Variants in PMEL observed in about 807,000 individuals in gnomAD.
PMEL encodes the protein melanocyte protein PMEL.
Under a neutral mutation model 64.9 loss-of-function variants are expected in PMEL, and 53 were observed. The observed-to-expected ratio is 0.82, with a 90% CI of 0.66 to 1.03. The LOEUF (loss-of-function observed/expected upper bound fraction) is 1.03. Among genes scored for constraint, PMEL ranks in the 50% least tolerant of loss-of-function variants. The probability of loss-of-function intolerance (pLI) is 0.00; values close to 1 mark genes in which losing one functional copy is unlikely to be tolerated. For synonymous variants in PMEL, 299 were observed against 316.2 expected (o/e 0.95, Z 0.58); for missense variants, 716 against 814.9 (o/e 0.88, Z 1.48).
chr12:55,954,895 A>G (rs1888793642), intron 10 of PMEL, among the ~76,000 whole-genome samples: 1 of 150,380 alleles, frequency 6.6e-6, no homozygotes, highest in Non-Finnish European at 1.5e-5. Flanking sequence ...AAAGGGTGAA[A>G]CTCCGTCTCA....
intron 6 of PMEL, 46 bp from the exon 7 acceptor site, chr12:55,956,265 C>T (rs760147835): frequency 1.6e-6 from 2 of 1,234,030 alleles, no homozygotes; most frequent in Admixed American, 1.8e-5. Flanking sequence ...ACAGATGACT[C>T]ATCTGGAGGC....
chr12:55,956,840 A>T, intron 6 of PMEL, 109 bp downstream of exon 6: 1 of 1,179,134 alleles, frequency 8.5e-7, no homozygotes, highest in Non-Finnish European at 1.2e-6. Flanking sequence ...CTCTGAGGGG[A>T]CCATAGTGCT....
rs61752491 is a variant in PMEL, at chr12:55,957,216, G to A, written c.1087C>T (p.Pro363Ser). The change falls in exon 6 of 11, where the codon CCT (proline) becomes TCT (serine). Residue 363 changes from proline (P) to serine (S), a missense_variant. Physicochemically the swap from Pro to Ser is moderately conservative, Grantham distance 74. Coordinates refer to ENST00000548747, the MANE Select transcript of PMEL (RefSeq NM_001384361.1). Reference protein sequence around the residue: ...VPTTEVISTAPVQMPTAESTG... With the variant: ...VPTTEVISTASVQMPTAESTG... ...CTCTCTGCAGTTGGCATCTGCACAG[G>A]TGCAGTGCTTATGACTTCAGTGGTT... 5,806 of 1,614,158 alleles carry A rather than the reference G, an allele frequency of 3.6e-3. 222 individuals carry two copies. The African/African-American group carries it at 0.069, about 19-fold the overall frequency.
At chr12:55,962,300 G>A (rs1191156888) in intron 1 of PMEL, among the ~76,000 whole-genome samples, 13 of 149,906 alleles carry the variant, frequency 8.7e-5, no homozygotes, top group African/African-American at 2.4e-4. Flanking sequence ...AAAATTAGCC[G>A]GGCATGGTGG....
At chr12:55,965,704 T>C (rs1889272677) in intron 1 of PMEL, among the ~76,000 whole-genome samples, 1 of 152,134 alleles carries the variant, frequency 6.6e-6, no homozygotes, top group African/African-American at 2.4e-5. Flanking sequence ...TCAGAATCAG[T>C]GCCACAGAGA....
intron 1 of PMEL, among the ~76,000 whole-genome samples, chr12:55,962,653 A>T (rs971486448): frequency 6.1e-5 from 9 of 147,634 alleles, no homozygotes; most frequent in Non-Finnish European, 1.2e-4. Context: ...CCTCCCAAGT[A>T]GCTGGGACTA....
At chr12:55,958,240 G>T in intron 4 of PMEL, 156 bp from the exon 5 acceptor site, 1 of 824,540 alleles carries the variant, frequency 1.2e-6, no homozygotes, top group Non-Finnish European at 1.9e-6. Context: ...CAGGGAAGGG[G>T]TCCTAATGAG....
At chr12:55,961,566 C>T in intron 2 of PMEL, 56 bp downstream of exon 2, 1 of 1,592,566 alleles carries the variant, frequency 6.3e-7, no homozygotes, top group African/African-American at 1.3e-5. Context: ...GTTCAGCTTG[C>T]TTTTTTCCTC....
At chr12:55,966,643 A>T, upstream of PMEL, 9 of 1,052,480 alleles carry the variant, frequency 8.6e-6, no homozygotes, top group Non-Finnish European at 9.2e-6. Context: ...CCCACCGGGG[A>T]AGAAACTTGT....
At chr12:55,963,363 A>G (rs1310343418) in intron 1 of PMEL, among the ~76,000 whole-genome samples, 5 of 152,194 alleles carry the variant, frequency 3.3e-5, no homozygotes, top group Non-Finnish European at 7.3e-5. Flanking sequence ...TCCAACAACT[A>G]TCAACACCTT....
intron 1 of PMEL, among the ~76,000 whole-genome samples, chr12:55,963,979 CT>C (rs1889195732): frequency 6.6e-6 from 1 of 151,748 alleles, no homozygotes; most frequent in Admixed American, 6.6e-5. Flanking sequence ...CTTCCCTTTC[CT>C]TTCCCTTTCC....
chr12:55,958,330 A>G, intron 4 of PMEL, 143 bp downstream of exon 4: 1 of 916,024 alleles, frequency 1.1e-6, no homozygotes, highest in Non-Finnish European at 1.6e-6. Flanking sequence ...CTAGGTGCTA[A>G]GAAAGAGAAA....
rs757183256 is a variant in PMEL at position 55,958,458 on chromosome 12, A to G, written c.469+15T>C. 6.2e-7 allele frequency: 1 copy of G among 1,612,558 alleles called. No individual in the cohort carries two copies. The highest frequency in any genetic ancestry group is 8.5e-7 in the Non-Finnish European group (1 of 1,179,262). On this transcript the variant is annotated intron_variant, in intron 4 of 10. Transcript: ENST00000548747. Reference sequence around the variant, plus strand: ...ACACAAGTGTGGATGATAGGCTGAGAAGGGAGTCCCTCACCCCAGGTCTTC... The same window carrying G: ...ACACAAGTGTGGATGATAGGCTGAGGAGGGAGTCCCTCACCCCAGGTCTTC...
Position 55,957,001 on chromosome 12 carries a change from A to C in PMEL, c.1302T>G (p.Pro434=). ...AGCTGGCATCTGGACCTTCAGGCTC[A>C]GGGATAGGTAGCTCTCTAGCTGTGG... The part of the protein sequence containing the change: ...VETTARELPI[P]EPEGPDASSI... The change falls in exon 6 of 11, where the codon CCT becomes CCG. Residue 434 remains proline (P), a synonymous_variant. Coordinates refer to ENST00000548747, the MANE Select transcript of PMEL (RefSeq NM_001384361.1). The C allele has an allele frequency of 6.2e-7, 1 of 1,614,222 alleles. No individual in the cohort carries two copies. The highest frequency in any genetic ancestry group is 8.5e-7 in the Non-Finnish European group (1 of 1,180,012).
At chr12:55,960,543 T>G (rs1462257429) in intron 3 of PMEL, among the ~76,000 whole-genome samples, 3 of 136,914 alleles carry the variant, frequency 2.2e-5, no homozygotes, top group Non-Finnish European at 4.7e-5. Context: ...TTCTGTTTTT[T>G]TTTTTTTTTT....
In PMEL at chr12:55,961,063, G is replaced by A. The variant is rs377392453; in HGVS notation, c.334+254C>T. The A allele has an allele frequency of 3.0e-4, 109 of 368,624 alleles. No individual in the cohort carries two copies. In the East Asian group the frequency reaches 5.2e-3, roughly 18 times the overall value. 22.8% of individuals were successfully genotyped at this position (368,624 alleles called of 1,614,324 possible). ...CTAAAAATACAAAAAAAATTAGCCG[G>A]TCATGGTGGCAGGCGCCTGTAGTCC... is the stretch of plus-strand genomic sequence containing the variant. On this transcript the variant is annotated intron_variant, in intron 3 of 10. Transcript: ENST00000548747.
chr12:55,955,380 G>GCT lies in PMEL; in HGVS notation c.1763-20_1763-19insAG. 1 of 1,613,308 alleles carries GCT rather than the reference G, an allele frequency of 6.2e-7. No homozygotes were observed. Among genetic ancestry groups the GCT allele is most frequent in the Non-Finnish European group, 8.5e-7 (1 of 1,179,328 alleles). ...TCTTGACCTGTGAGAAGAATCCCAG[G>GCT]CACTGCTTCACTCAGTGTCTGCTGC... On this transcript the variant is annotated intron_variant, in intron 9 of 10. Coordinates refer to ENST00000548747, the MANE Select transcript of PMEL (RefSeq NM_001384361.1).
chr12:55,955,823 G>A lies in PMEL; in HGVS notation c.1512C>T (p.Ser504=), dbSNP rs377175522. The A allele has an allele frequency of 7.4e-5, 120 of 1,613,944 alleles. No individual in the cohort carries two copies. Among genetic ancestry groups the A allele is most frequent in the Non-Finnish European group, 8.9e-5 (105 of 1,179,952 alleles). The change falls in exon 8 of 11, where the codon TCC becomes TCT. Residue 504 remains serine, a synonymous_variant. Transcript: ENST00000548747. ...TCAGCTCAAATGCATCCCCCTCACC[G>A]GACGGCACAGCCTGCAGGATCTCGG... The part of the protein sequence containing the change: ...ESAEILQAVP[S]GEGDAFELTV...
intron 1 of PMEL, among the ~76,000 whole-genome samples, chr12:55,965,397 C>T (rs1889257815): frequency 6.6e-6 from 1 of 151,436 alleles, no homozygotes; most frequent in Non-Finnish European, 1.5e-5. Context: ...ACCCTCTCAC[C>T]ACCCCACCCC....
Sources: gnomAD v4.1 joint callset for allele counts (sites outside exome capture counted in the v4.1 genomes callset) on GRCh38, gnomAD v4.1.1 for gene constraint, MANE v1.5 for transcripts, NCBI Gene and HGNC (gene_info 2026-07-23, HGNC 2026-07-21) for gene names.